FAM167B: variants seen among roughly 807,000 people sequenced by gnomAD.
FAM167B encodes family with sequence similarity 167 member B.
FAM167B carries 7 observed loss-of-function variants against 15.4 expected under a neutral mutation model. The observed-to-expected ratio is 0.46, with a 90% CI of 0.26 to 0.86. The LOEUF is 0.86. Among genes scored for constraint, FAM167B ranks in the 40% least tolerant of loss-of-function variants. The pLI is 0.17. For synonymous variants in FAM167B, 100 were observed against 94.6 expected (o/e 1.06, Z -0.33); for missense variants, 207 against 208.3 (o/e 0.99, Z 0.04).
Position 32,247,264 on chromosome 1 carries a change from A to G in FAM167B, c.-158A>G. 1 of 957,258 alleles carries G rather than the reference A, an allele frequency of 1.0e-6. No individual in the cohort carries two copies. Among genetic ancestry groups the G allele is most frequent in the Non-Finnish European group, 1.5e-6 (1 of 685,306 alleles). 59.3% of individuals were successfully genotyped at this position (957,258 alleles called of 1,614,324 possible). On this transcript the variant is annotated 5_prime_UTR_variant, in exon 1 of 2. Coordinates refer to ENST00000373582, the MANE Select transcript of FAM167B (RefSeq NM_032648.3). ...CCCATCTGCTCACTCACCCTGGCAC[A>G]TTCAGCCCCCCTAACCCACCTTGAA...
chr1:32,247,511 G>A lies in FAM167B; in HGVS notation c.90G>A (p.Leu30=), dbSNP rs1443820300. The A allele has an allele frequency of 3.7e-6, 6 of 1,608,198 alleles. No individual in the cohort carries two copies. The highest frequency in any genetic ancestry group is 5.1e-6 in the Non-Finnish European group (6 of 1,177,284). ...AGAGCCTGGACTCTGTGAAGGCACT[G>A]ACAGCCAAGCTGCAGCTGCAGACTC... ...EGESLDSVKA[L]TAKLQLQTRR... The change falls in exon 1 of 2, where the codon CTG becomes CTA. Residue 30 remains leucine, a synonymous_variant. Transcript: ENST00000373582.
chr1:32,248,302 G>A (rs1256979517), intron 1 of FAM167B, 69 bp from the exon 2 acceptor site: 12 of 1,339,342 alleles, frequency 9.0e-6, no homozygotes, highest in South Asian at 1.4e-5. Context: ...GCCCAGCGTT[G>A]CCAGGAAGGG....
chr1:32,248,656 C>T lies in FAM167B; in HGVS notation c.*55C>T. On this transcript the variant is annotated 3_prime_UTR_variant, in exon 2 of 2. Transcript: ENST00000373582. ...CCCTCTCCCAATGCCGCTTCCCCTG[C>T]CTGCCTGGGAAGAGGAAAGGGAGGG... The T allele has an allele frequency of 7.0e-7, 1 of 1,428,232 alleles. No homozygotes were observed. Among genetic ancestry groups the T allele is most frequent in the Non-Finnish European group, 9.3e-7 (1 of 1,074,748 alleles). The allele number at this position is 1,428,232 out of a possible 1,614,324, so 88.5% of individuals were successfully genotyped here. A position where few individuals can be genotyped will look rare whatever the true frequency, so the allele number is the denominator to read the frequency against.
chr1:32,248,715 G>A lies in FAM167B; in HGVS notation c.*114G>A. On this transcript the variant is annotated 3_prime_UTR_variant, in exon 2 of 2. Transcript: ENST00000373582. Reference sequence around the variant, plus strand: ...GAGGCACCAGCTCCTGGCGGGGGAGGAGGAACATTCAGGTTTCTGAGAGCT... The same window carrying A: ...GAGGCACCAGCTCCTGGCGGGGGAGAAGGAACATTCAGGTTTCTGAGAGCT... 1 of 944,646 alleles carries A rather than the reference G, an allele frequency of 1.1e-6. No homozygotes were observed. The highest frequency in any genetic ancestry group is 1.5e-6 in the Non-Finnish European group (1 of 651,378). 58.5% of individuals were successfully genotyped at this position (944,646 alleles called of 1,614,324 possible). A position where few individuals can be genotyped will look rare whatever the true frequency, so the allele number is the denominator to read the frequency against.
chr1:32,248,649 T>C lies in FAM167B; in HGVS notation c.*48T>C. 1 of 1,443,046 alleles carries C rather than the reference T, an allele frequency of 6.9e-7. No individual in the cohort carries two copies. Among genetic ancestry groups the C allele is most frequent in the Non-Finnish European group, 9.2e-7 (1 of 1,085,950 alleles). The allele number at this position is 1,443,046 out of a possible 1,614,324, so 89.4% of individuals were successfully genotyped here. The stretch of plus-strand genomic sequence containing the variant: ...CCCCGCCCCCTCTCCCAATGCCGCT[T>C]CCCCTGCCTGCCTGGGAAGAGGAAA... On this transcript the variant is annotated 3_prime_UTR_variant, in exon 2 of 2. Coordinates refer to ENST00000373582, the MANE Select transcript of FAM167B (RefSeq NM_032648.3).
rs1639442187 is a variant in FAM167B, at chr1:32,248,746, C to T, written c.*145C>T. The stretch of plus-strand genomic sequence containing the variant: ...CATTCAGGTTTCTGAGAGCTGAATT[C>T]CAAGAGTGCAAAACCCCAGCATCCT... On this transcript the variant is annotated 3_prime_UTR_variant, in exon 2 of 2. Transcript: ENST00000373582. 1.3e-6 allele frequency: 1 copy of T among 748,158 alleles called. No individual in the cohort carries two copies. The highest frequency in any genetic ancestry group is 2.1e-6 in the Non-Finnish European group (1 of 472,980). The allele number at this position is 748,158 out of a possible 1,614,324, so 46.3% of individuals were successfully genotyped here.
chr1:32,248,501 T>C lies in FAM167B; in HGVS notation c.392T>C (p.Leu131Pro), dbSNP rs761220298. 6.9e-6 allele frequency: 11 copies of C among 1,586,614 alleles called. No individual in the cohort carries two copies. In the South Asian group the frequency reaches 1.3e-4, roughly 18 times the overall value. ...CTGCTGGATGAGGCCGAGCTGGAGC[T>C]GGAGCTGGAGCCCGGGGCCGGCCTA... ...QELLDEAELELELEPGAGLAL... is the reference protein window; with the variant it reads ...QELLDEAELEPELEPGAGLAL... The change falls in exon 2 of 2, where the codon CTG becomes CCG. Residue 131 changes from leucine to proline, a missense_variant. Transcript: ENST00000373582.
At position 32,248,561 on chromosome 1, in the gene FAM167B, C is replaced by G. The variant is rs1363174720; in HGVS notation, c.452C>G (p.Thr151Arg). Reference protein sequence around the residue: ...LAPLLRHLGLTRMNISARRFT... With the variant: ...LAPLLRHLGLRRMNISARRFT... Reference sequence around the variant, plus strand: ...CCGCTGCTGCGGCACCTGGGCCTCACGCGCATGAACATCAGCGCCCGGCGC... The same window carrying G: ...CCGCTGCTGCGGCACCTGGGCCTCAGGCGCATGAACATCAGCGCCCGGCGC... The change falls in exon 2 of 2, where the codon ACG (threonine) becomes AGG (arginine). Residue 151 changes from threonine to arginine, a missense_variant. Coordinates refer to ENST00000373582, the MANE Select transcript of FAM167B (RefSeq NM_032648.3). The G allele has an allele frequency of 6.5e-7, 1 of 1,549,570 alleles. No individual in the cohort carries two copies. Among genetic ancestry groups the G allele is most frequent in the Admixed American group, 2.0e-5 (1 of 50,992 alleles).
chr1:32,248,236 A>T, intron 1 of FAM167B, 135 bp from the exon 2 acceptor site: 1 of 700,514 alleles, frequency 1.4e-6, no homozygotes, highest in Non-Finnish European at 2.3e-6. Context: ...ATTGGGAGAT[A>T]GGGAGAGATC....
Position 32,248,436 on chromosome 1 carries a change from C to T in FAM167B, c.327C>T (p.His109=), listed in dbSNP as rs746962662. The change falls in exon 2 of 2, where the codon CAC becomes CAT. Residue 109 remains histidine, a synonymous_variant. Coordinates refer to ENST00000373582, the MANE Select transcript of FAM167B (RefSeq NM_032648.3). ...TGCTGCGGCTGCGGGCCCAGCTGCA[C>T]CGACTGAAGATGGACCAAGCCTGTC... ...GQLLRLRAQL[H]RLKMDQACHL... 12 of 1,604,680 alleles carry T rather than the reference C, an allele frequency of 7.5e-6. No homozygotes were observed. The highest frequency in any genetic ancestry group is 1.0e-5 in the Non-Finnish European group (12 of 1,178,166).
Position 32,248,455 on chromosome 1 carries a change from G to A in FAM167B, c.346G>A (p.Ala116Thr). ...AQLHRLKMDQ[A>T]CHLHQELLDE... ...GCTGCACCGACTGAAGATGGACCAA[G>A]CCTGTCACCTGCACCAGGAGCTGCT... The change falls in exon 2 of 2, where the codon GCC (alanine) becomes ACC (threonine). Residue 116 changes from alanine (A) to threonine (T), a missense_variant. Ala to Thr is a moderately conservative substitution (Grantham distance 58, BLOSUM62 0). Transcript: ENST00000373582. 6.2e-7 allele frequency: 1 copy of A among 1,606,660 alleles called. No individual in the cohort carries two copies. Among genetic ancestry groups the A allele is most frequent in the Non-Finnish European group, 8.5e-7 (1 of 1,178,332 alleles).
rs773283955 is a variant in FAM167B, at chr1:32,247,621, C to G, written c.200C>G (p.Pro67Arg). 1.3e-6 allele frequency: 2 copies of G among 1,520,974 alleles called. No individual in the cohort carries two copies. Among genetic ancestry groups the G allele is most frequent in the Non-Finnish European group, 1.8e-6 (2 of 1,131,816 alleles). 94.2% of individuals were successfully genotyped at this position (1,520,974 alleles called of 1,614,324 possible). A position where few individuals can be genotyped will look rare whatever the true frequency, so the allele number is the denominator to read the frequency against. ...CAAGCCAAACCTGGACCAGGGGGACCTGGGGACATCTGTGGTTTCGACTCA... is the reference window on the plus strand; with the variant it reads ...CAAGCCAAACCTGGACCAGGGGGACGTGGGGACATCTGTGGTTTCGACTCA... Reference protein sequence around the residue: ...RAQAKPGPGGPGDICGFDSMD... With the variant: ...RAQAKPGPGGRGDICGFDSMD... Residue 67 changes from proline to arginine, a missense_variant, in exon 1 of 2, where the codon CCT becomes CGT. Coordinates refer to ENST00000373582, the MANE Select transcript of FAM167B (RefSeq NM_032648.3).
Sources: allele counts gnomAD v4.1 joint callset, GRCh38; gene constraint gnomAD v4.1.1; transcripts MANE v1.5; gene names NCBI Gene and HGNC (gene_info 2026-07-23, HGNC 2026-07-21).